Variants in PPEF1 observed in about 807,000 individuals in gnomAD.
PPEF1 encodes the protein protein phosphatase with EF-hand domain 1, also known as serine/threonine-protein phosphatase with EF-hands 1.
PPEF1 carries 12 observed loss-of-function variants against 53.3 expected under a neutral mutation model. The observed-to-expected ratio is 0.23, with a 90% CI of 0.14 to 0.36. The LOEUF (loss-of-function observed/expected upper bound fraction) is 0.36. PPEF1 is among the 10% of genes least tolerant of loss of function. The pLI is 1.00. For missense variants in PPEF1, 334 were observed against 490.4 expected (o/e 0.68, Z 3.01); for synonymous variants, 165 against 176.7 (o/e 0.93, Z 0.52).
intron 6 of PPEF1, among the ~76,000 whole-genome samples, chrX:18,775,400 C>T (rs976786093): frequency 1.3e-4 from 14 of 109,177 alleles, no homozygotes; most frequent in African/African-American, 4.7e-4. Flanking sequence ...ATTTTTTGTA[C>T]TTTCAGTAGA....
At position 18,738,026 on chromosome X, in the gene PPEF1, G is replaced by A. The variant is rs768393489; in HGVS notation, c.235+4218G>A. On this transcript the variant is annotated intron_variant, in intron 3 of 15. Coordinates refer to ENST00000470157, the MANE Select transcript of PPEF1 (RefSeq NM_001377996.1). Reference sequence around the variant, plus strand: ...TTTGAGCCTATGTGTGTCTCTGCACGTGAGATGGGTCTCCTGAATACAGCA... The same window carrying A: ...TTTGAGCCTATGTGTGTCTCTGCACATGAGATGGGTCTCCTGAATACAGCA... Among the ~76,000 whole-genome samples the A allele has an allele frequency of 4.4e-3, 488 of 110,241 alleles. 3 individuals carry two copies. The highest frequency in any genetic ancestry group is 0.023 in the Middle Eastern group (5 of 214).
intron 10 of PPEF1, among the ~76,000 whole-genome samples, chrX:18,797,434 C>T (rs1281126112): frequency 1.8e-5 from 2 of 111,310 alleles, no homozygotes; most frequent in East Asian, 5.6e-4. Flanking sequence ...TTAAGACAGA[C>T]TTACAAAGAG....
chrX:18,794,132 T>A (rs1361222320), intron 10 of PPEF1, among the ~76,000 whole-genome samples: 1 of 113,129 alleles, frequency 8.8e-6, no homozygotes, highest in Non-Finnish European at 1.9e-5. Context: ...TCTGATCCGA[T>A]TAAAGTTGGA....
chrX:18,748,896 A>G (rs765539900), intron 3 of PPEF1, among the ~76,000 whole-genome samples: 1 of 112,324 alleles, frequency 8.9e-6, no homozygotes, highest in Non-Finnish European at 1.9e-5. Flanking sequence ...AGTACAAGTC[A>G]TGAGCCCAGC....
chrX:18,818,319 T>G (rs1344734423), intron 13 of PPEF1, among the ~76,000 whole-genome samples, 174 bp downstream of exon 13: 2 of 110,873 alleles, frequency 1.8e-5, no homozygotes, highest in African/African-American at 3.3e-5. Context: ...TATTTCTCCC[T>G]TTTAGCAAGC....
At chrX:18,816,192 T>C (rs1013714906) in intron 12 of PPEF1, among the ~76,000 whole-genome samples, 1 of 111,782 alleles carries the variant, frequency 8.9e-6, no homozygotes, top group African/African-American at 3.2e-5. Context: ...GTATGTTGTA[T>C]TTTCATTTTC....
At chrX:18,726,226 C>T (rs200667690) in intron 1 of PPEF1, among the ~76,000 whole-genome samples, 6 of 110,362 alleles carry the variant, frequency 5.4e-5, no homozygotes, top group East Asian at 5.7e-4. Context: ...TGGTGGTGGG[C>T]GCCTGTAGTC....
At chrX:18,697,578 C>T (rs953930979) in intron 4 of PPEF1, among the ~76,000 whole-genome samples, 6 of 110,870 alleles carry the variant, frequency 5.4e-5, no homozygotes, top group African/African-American at 1.6e-4. Flanking sequence ...TCTTTCTCTG[C>T]GCCCCTGGAG....
chrX:18,676,927 C>T (rs375308583), intron 1 of PPEF1, among the ~76,000 whole-genome samples: 1 of 111,324 alleles, frequency 9.0e-6, no homozygotes, highest in African/African-American at 3.3e-5. Context: ...CTGTTGCATG[C>T]GACACAGGTA....
intron 1 of PPEF1, among the ~76,000 whole-genome samples, chrX:18,710,439 G>A (rs1176856786): frequency 9.0e-6 from 1 of 110,795 alleles, no homozygotes; most frequent in African/African-American, 3.3e-5. Flanking sequence ...AAAGATTTTT[G>A]CTCACGTCTT....
At chrX:18,763,071 C>T (rs950625618) in intron 6 of PPEF1, among the ~76,000 whole-genome samples, 1 of 112,001 alleles carries the variant, frequency 8.9e-6, no homozygotes, top group Non-Finnish European at 1.9e-5. Context: ...TATATGTCTA[C>T]GTGTAAGTGT....
At chrX:18,742,866 T>A (rs1296323692) in intron 3 of PPEF1, among the ~76,000 whole-genome samples, 1 of 108,914 alleles carries the variant, frequency 9.2e-6, no homozygotes, top group African/African-American at 3.3e-5. Flanking sequence ...AAAAAAAAAA[T>A]TTGGTTACCT....
At chrX:18,685,897 A>G (rs1327498517) in intron 2 of PPEF1, among the ~76,000 whole-genome samples, 1 of 111,292 alleles carries the variant, frequency 9.0e-6, no homozygotes, top group Non-Finnish European at 1.9e-5. Flanking sequence ...CAAAAACAAA[A>G]CACTTTCAAC....
chrX:18,800,018 G>A (rs1295847354), intron 10 of PPEF1, among the ~76,000 whole-genome samples: 2 of 111,619 alleles, frequency 1.8e-5, no homozygotes, highest in Admixed American at 1.9e-4. Context: ...GATTCTGAAG[G>A]ACAAGCTCAG....
chrX:18,819,203 G>A (rs917898948), intron 13 of PPEF1, among the ~76,000 whole-genome samples: 4 of 111,777 alleles, frequency 3.6e-5, no homozygotes, highest in South Asian at 3.7e-4. Context: ...TTATTTCCCC[G>A]AGGACATCAA....
chrX:18,687,034 C>A (rs1045904186), intron 3 of PPEF1, among the ~76,000 whole-genome samples: 1 of 111,581 alleles, frequency 9.0e-6, no homozygotes, highest in Non-Finnish European at 1.9e-5. Flanking sequence ...GATGGCTGCT[C>A]CTCCTCCAGG....
chrX:18,808,783 G>A (rs985746450), intron 12 of PPEF1, among the ~76,000 whole-genome samples: 1 of 111,317 alleles, frequency 9.0e-6, no homozygotes, highest in Non-Finnish European at 1.9e-5. Context: ...GTGTAGAAAA[G>A]GGAACGCTTG....
chrX:18,826,417 CTTTTTTTTTTTTT>C (rs58697941), intron 15 of PPEF1, among the ~76,000 whole-genome samples: 8 of 24,626 alleles, frequency 3.2e-4, no homozygotes, highest in African/African-American at 1.7e-3. Context: ...TCATTTTCTG[CTTTTTTTTTTTTT>C]TTTTTTTTTT....
intron 2 of PPEF1, among the ~76,000 whole-genome samples, chrX:18,732,930 G>A (rs2044871964): frequency 1.8e-5 from 2 of 111,969 alleles, no homozygotes; most frequent in South Asian, 3.7e-4. Context: ...ATGACCGGGT[G>A]CAGTGGCTCA....
Sources: gnomAD v4.1 joint callset for allele counts (sites outside exome capture counted in the v4.1 genomes callset) on GRCh38, gnomAD v4.1.1 for gene constraint, MANE v1.5 for transcripts, NCBI Gene and HGNC (gene_info 2026-07-23, HGNC 2026-07-21) for gene names.